The following PDLIM5 variants were observed in gnomAD, a reference collection of about 807,000 sequenced individuals.
The protein encoded by PDLIM5 is PDZ and LIM domain 5, also known as PDZ and LIM domain protein 5.
PDLIM5 carries 34 observed loss-of-function variants against 64.2 expected under a neutral mutation model. The ratio of observed to expected loss-of-function variants is 0.53; its 90% CI spans 0.40 to 0.71. The LOEUF (loss-of-function observed/expected upper bound fraction) is 0.71. Ranked by LOEUF, PDLIM5 falls within the 30% of genes least tolerant of loss-of-function variation. PDLIM5 has a pLI of 0.00. For synonymous variants in PDLIM5, 253 were observed against 269.1 expected (o/e 0.94, Z 0.59); for missense variants, 683 against 733.6 (o/e 0.93, Z 0.80).
At chr4:94,523,941 G>A (rs2110135332) in intron 3 of PDLIM5, 66 bp downstream of exon 3, 1 of 1,184,214 alleles carries the variant, frequency 8.4e-7, no homozygotes, top group South Asian at 1.4e-5. Context: ...TTGTGTGTCT[G>A]ACTCACGGTG....
At chr4:94,452,748 G>T (rs1284655651) in intron 1 of PDLIM5, among the ~76,000 whole-genome samples, 8 of 152,166 alleles carry the variant, frequency 5.3e-5, no homozygotes, top group African/African-American at 1.9e-4. Flanking sequence ...GGCAGATTTA[G>T]GGTGTGATCG....
intron 2 of PDLIM5, among the ~76,000 whole-genome samples, chr4:94,478,163 G>A (rs1439457402): frequency 6.6e-6 from 1 of 151,432 alleles, no homozygotes; most frequent in Admixed American, 6.6e-5. Context: ...AGCCGAGGCA[G>A]GAGAATTGCT....
intron 7 of PDLIM5, among the ~76,000 whole-genome samples, chr4:94,598,028 T>C (rs1042051192): frequency 6.6e-6 from 1 of 152,172 alleles, no homozygotes; most frequent in East Asian, 1.9e-4. Context: ...TTGAATTTAA[T>C]AATGAAATGA....
intron 3 of PDLIM5, among the ~76,000 whole-genome samples, chr4:94,556,089 T>C (rs960987327): frequency 2.1e-5 from 3 of 141,796 alleles, no homozygotes; most frequent in Admixed American, 1.5e-4. Flanking sequence ...CGGTGTGTGA[T>C]GTTCCCCTTC....
At chr4:94,509,497 C>G (rs1257200815) in intron 2 of PDLIM5, among the ~76,000 whole-genome samples, 7 of 152,088 alleles carry the variant, frequency 4.6e-5, no homozygotes, top group African/African-American at 1.7e-4. Flanking sequence ...CAGCCTAGCA[C>G]TTAGTAGATA....
rs1199034441 is a variant in PDLIM5 at position 94,657,554 on chromosome 4, T to C, written c.1585+7T>C. ...GAACCCTACTGTGAGACTGGTAAGA[T>C]CAGGGAGCCATTTGTTTCTTGAATT... On this transcript the variant is annotated splice_region_variant and intron_variant, in intron 11 of 12. Coordinates refer to ENST00000317968, the MANE Select transcript of PDLIM5 (RefSeq NM_006457.5). 2 of 1,602,074 alleles carry C rather than the reference T, an allele frequency of 1.2e-6. No individual in the cohort carries two copies. The highest frequency in any genetic ancestry group is 1.7e-6 in the Non-Finnish European group (2 of 1,173,158).
At chr4:94,597,065 C>T (rs1027348211) in intron 7 of PDLIM5, among the ~76,000 whole-genome samples, 2 of 152,140 alleles carry the variant, frequency 1.3e-5, no homozygotes, top group African/African-American at 4.8e-5. Context: ...ACTAAGGTGA[C>T]ACCTGTTGCG....
At chr4:94,649,327 A>G (rs942961982) in intron 9 of PDLIM5, among the ~76,000 whole-genome samples, 7 of 152,146 alleles carry the variant, frequency 4.6e-5, no homozygotes, top group African/African-American at 9.7e-5. Context: ...ACAGTTATCT[A>G]ATCACAGGAG....
Position 94,666,368 on chromosome 4 carries a change from A to C in PDLIM5, c.*2301A>C, listed in dbSNP as rs1743080691. The C allele has an allele frequency of 4.3e-6, 1 of 233,044 alleles. No homozygotes were observed. Among genetic ancestry groups the C allele is most frequent in the South Asian group, 1.6e-4 (1 of 6,062 alleles). The allele number at this position is 233,044 out of a possible 1,614,324, so 14.4% of individuals were successfully genotyped here. A position where few individuals can be genotyped will look rare whatever the true frequency, so the allele number is the denominator to read the frequency against. On this transcript the variant is annotated 3_prime_UTR_variant, in exon 13 of 13. Transcript: ENST00000317968. ...AATAGCAACCCCAAGCTACCTCCTC[A>C]CCCTGCATCTTGGAGGGAGGCAGGA... is the stretch of plus-strand genomic sequence containing the variant.
At chr4:94,557,703 T>C (rs1733474614) in intron 3 of PDLIM5, among the ~76,000 whole-genome samples, 1 of 152,188 alleles carries the variant, frequency 6.6e-6, no homozygotes, top group South Asian at 2.1e-4. Context: ...TTTGGCTCTC[T>C]GTTTGTCTGT....
intron 11 of PDLIM5, among the ~76,000 whole-genome samples, chr4:94,658,051 T>A (rs1176237254): frequency 1.3e-5 from 2 of 152,206 alleles, no homozygotes; most frequent in Non-Finnish European, 2.9e-5. Context: ...ACTTTATTAT[T>A]AGAATTGAGA....
At position 94,666,128 on chromosome 4, in the gene PDLIM5, C is replaced by G. The variant is rs1743070688; in HGVS notation, c.*2061C>G. 1.1e-6 allele frequency: 1 copy of G among 895,408 alleles called. No homozygotes were observed. Among genetic ancestry groups the G allele is most frequent in the Non-Finnish European group, 1.7e-6 (1 of 588,586 alleles). 55.5% of individuals were successfully genotyped at this position (895,408 alleles called of 1,614,324 possible). On this transcript the variant is annotated 3_prime_UTR_variant, in exon 13 of 13. Transcript: ENST00000317968. ...GCCCTAGGTCCTTCCTGCCCCATCA[C>G]TCACTTACGACATCACTTCCATTGT... is the stretch of plus-strand genomic sequence containing the variant.
rs28709926 is a variant in PDLIM5 at position 94,665,524 on chromosome 4, T to A, written c.*1457T>A. ...AAAAAAAAGAGAGAGAGAGAATAAA[T>A]AGAAAAGAATGTGGCTGGGAATTGT... On this transcript the variant is annotated 3_prime_UTR_variant, in exon 13 of 13. Coordinates refer to ENST00000317968, the MANE Select transcript of PDLIM5 (RefSeq NM_006457.5). 622 of 744,208 alleles carry A rather than the reference T, an allele frequency of 8.4e-4. 1 individual carries two copies. Among genetic ancestry groups the A allele is most frequent in the Non-Finnish European group, 9.4e-4 (580 of 619,354 alleles). The allele number at this position is 744,208 out of a possible 1,614,324, so 46.1% of individuals were successfully genotyped here. A position where few individuals can be genotyped will look rare whatever the true frequency, so the allele number is the denominator to read the frequency against.
intron 2 of PDLIM5, among the ~76,000 whole-genome samples, chr4:94,517,568 AAAC>A (rs1302883838): frequency 1.6e-4 from 24 of 152,220 alleles, no homozygotes; most frequent in Admixed American, 5.2e-4. Flanking sequence ...ACTGTCAGAA[AAAC>A]AACAGCTTCC....
At chr4:94,638,653 TA>T (rs1379677599) in intron 8 of PDLIM5, among the ~76,000 whole-genome samples, 4 of 152,264 alleles carry the variant, frequency 2.6e-5, no homozygotes, top group African/African-American at 9.6e-5. Context: ...TACACTCTGT[TA>T]ATTTGTATTA....
chr4:94,568,615 A>G (rs1461522713), intron 3 of PDLIM5, among the ~76,000 whole-genome samples: 1 of 151,600 alleles, frequency 6.6e-6, no homozygotes, highest in Non-Finnish European at 1.5e-5. Context: ...GAGTGTGGAC[A>G]TGAGGCACAA....
chr4:94,512,900 T>G (rs1284947585), intron 2 of PDLIM5, among the ~76,000 whole-genome samples: 3 of 152,198 alleles, frequency 2.0e-5, no homozygotes, highest in African/African-American at 7.2e-5. Flanking sequence ...CATTTTAGTT[T>G]GATTTTTGTA....
intron 9 of PDLIM5, among the ~76,000 whole-genome samples, chr4:94,651,575 C>T (rs745440202): frequency 2.8e-4 from 42 of 152,128 alleles, no homozygotes; most frequent in Admixed American, 2.5e-3. Flanking sequence ...ATGAAGCTAA[C>T]GTCGAGACTG....
intron 11 of PDLIM5, among the ~76,000 whole-genome samples, chr4:94,661,573 C>G (rs1259622847): frequency 1.3e-5 from 2 of 152,104 alleles, no homozygotes; most frequent in African/African-American, 2.4e-5. Flanking sequence ...GAAAATACAG[C>G]AAAATAAATT....
Sources: allele counts gnomAD v4.1 joint callset (sites outside exome capture counted in the v4.1 genomes callset), GRCh38; gene constraint gnomAD v4.1.1; transcripts MANE v1.5; gene names NCBI Gene and HGNC (gene_info 2026-07-23, HGNC 2026-07-21).